The following TRPM1 variants were observed in gnomAD, a reference collection of about 807,000 sequenced individuals.
TRPM1 encodes transient receptor potential cation channel subfamily M member 1, also known as TRPM1-203 APA Isoform, Intron 10.
In TRPM1, 113 loss-of-function variants were observed where a neutral mutation model predicts 149.4. The observed-to-expected ratio is 0.76, with a 90% CI of 0.65 to 0.88. The LOEUF is 0.88. Ranked by LOEUF, TRPM1 falls within the 40% of genes least tolerant of loss-of-function variation. TRPM1 has a pLI of 0.00. For synonymous variants in TRPM1, 741 were observed against 759.5 expected, an observed-to-expected ratio of 0.98 and a Z score of 0.40; for missense variants, 1,976 against 2,038.7, an observed-to-expected ratio of 0.97 and a Z score of 0.59.
chr15:31,148,484 A>G (rs2036251842), intron 1 of TRPM1, among the ~76,000 whole-genome samples: 1 of 152,192 alleles, frequency 6.6e-6, no homozygotes, highest in African/African-American at 2.4e-5. Context: ...CTAGCAAAGA[A>G]TTCTCCTCTA....
At chr15:31,028,764 AAAC>A (rs1259047144) in intron 24 of TRPM1, among the ~76,000 whole-genome samples, 1 of 152,064 alleles carries the variant, frequency 6.6e-6, no homozygotes, top group Non-Finnish European at 1.5e-5. Flanking sequence ...CTCAAAAAAA[AAAC>A]AACTCACACA....
chr15:31,063,092 C>A (rs201440065), intron 8 of TRPM1, 26 bp downstream of exon 8: 1 of 1,613,862 alleles, frequency 6.2e-7, no homozygotes, highest in Admixed American at 1.7e-5. Context: ...ACGAACCCGC[C>A]CTTCCTCGCG....
At chr15:31,029,658 G>A (rs780324781) in intron 23 of TRPM1, among the ~76,000 whole-genome samples, 1 of 152,172 alleles carries the variant, frequency 6.6e-6, no homozygotes, top group Non-Finnish European at 1.5e-5. Flanking sequence ...ATAAGCGAGA[G>A]CAAAAGCTCA....
chr15:31,101,515 T>C, intron 1 of TRPM1, 142 bp downstream of exon 1: 1 of 346,876 alleles, frequency 2.9e-6, no homozygotes, highest in Non-Finnish European at 4.1e-6. Context: ...TGAGCCTACC[T>C]GCACCTGAGG....
intron 2 of TRPM1, among the ~76,000 whole-genome samples, chr15:31,077,845 G>C (rs916350403): frequency 2.6e-5 from 4 of 151,928 alleles, no homozygotes; most frequent in Admixed American, 2.0e-4. Flanking sequence ...ATGTGAGTGG[G>C]TGTGTGCGCA....
intron 10 of TRPM1, among the ~76,000 whole-genome samples, chr15:31,061,004 T>C (rs1056957438): frequency 2.0e-5 from 3 of 152,092 alleles, no homozygotes; most frequent in Non-Finnish European, 4.4e-5. Flanking sequence ...TGCCCCCTCA[T>C]GGCACCAGGC....
Position 31,049,420 on chromosome 15 carries a change from C to G in TRPM1, c.1527G>C (p.Met509Ile), listed in dbSNP as rs1407026660. 6.2e-7 allele frequency: 1 copy of G among 1,614,204 alleles called. No homozygotes were observed. Among genetic ancestry groups the G allele is most frequent in the Non-Finnish European group, 8.5e-7 (1 of 1,180,042 alleles). The change falls in exon 13 of 28, where the codon ATG becomes ATC. Residue 509 changes from methionine to isoleucine, a missense_variant. By Grantham distance (10) the Met-to-Ile change is conservative (BLOSUM62 1). Transcript: ENST00000256552. ...VKLLIENGVN[M>I]QHFLTIPRLE... is the part of the protein sequence containing the mutation. ...GCCTCGGAATGGTCAGAAAGTGTTG[C>G]ATGTTCACTCCGTTTTCAATCAGGA...
chr15:31,071,836 C>T (rs776931957), intron 3 of TRPM1, among the ~76,000 whole-genome samples: 1 of 151,106 alleles, frequency 6.6e-6, no homozygotes, highest in East Asian at 1.9e-4. Flanking sequence ...TGGTGGCACA[C>T]GTCTGTAATT....
At chr15:31,062,002 A>G (rs1323925066) in intron 9 of TRPM1, among the ~76,000 whole-genome samples, 4 of 152,090 alleles carry the variant, frequency 2.6e-5, no homozygotes, top group Admixed American at 2.0e-4. Context: ...TCCAGAAGTT[A>G]TGGCATTGCC....
Position 31,126,365 on chromosome 15 carries a change from G to A in TRPM1, c.54+34541C>T, listed in dbSNP as rs553626706. Among the ~76,000 whole-genome samples the A allele has an allele frequency of 1.4e-4, 22 of 152,296 alleles. No homozygotes were observed. In the East Asian group the frequency reaches 3.7e-3, roughly 25 times the overall value. ...TCCAACAACTGCAGGAAGCCACTGC[G>A]AAACTCCCGTGGGGATGTGTGGCTC... On this transcript the variant is annotated intron_variant, in intron 1 of 26. Transcript: ENST00000542188.
Position 31,038,259 on chromosome 15 carries a change from T to G in TRPM1, c.2317-93A>C, listed in dbSNP as rs951787124. The G allele has an allele frequency of 7.1e-6, 10 of 1,409,850 alleles. No homozygotes were observed. The South Asian group carries it at 1.2e-4, about 17-fold the overall frequency. The allele number at this position is 1,409,850 out of a possible 1,614,324, so 87.3% of individuals were successfully genotyped here. ...TTTTAAATTATGACCTTCAACATTA[T>G]TCAATAACCTAGGAGCCCTGGAATG... On this transcript the variant is annotated intron_variant, in intron 18 of 27. Coordinates refer to ENST00000256552, the MANE Select transcript of TRPM1 (RefSeq NM_001252024.2).
chr15:31,012,665 T>G (rs2032227214), intron 27 of TRPM1, among the ~76,000 whole-genome samples: 1 of 152,220 alleles, frequency 6.6e-6, no homozygotes, highest in South Asian at 2.1e-4. Flanking sequence ...TCATTAAATT[T>G]GTAAAATTTT....
upstream of TRPM1, among the ~76,000 whole-genome samples, chr15:31,105,819 G>C (rs1288138894): frequency 6.6e-6 from 1 of 152,176 alleles, no homozygotes; most frequent in Admixed American, 6.5e-5. Flanking sequence ...CGAGTTCGGG[G>C]AACACAGTAT....
chr15:31,088,838 C>G (rs138339963), intron 1 of TRPM1, among the ~76,000 whole-genome samples: 315 of 149,712 alleles, frequency 2.1e-3, no homozygotes, highest in South Asian at 4.1e-3. Context: ...TGTACCGGGG[C>G]GATGCGATAA....
intron 7 of TRPM1, among the ~76,000 whole-genome samples, 183 bp from the exon 8 acceptor site, chr15:31,063,475 T>G (rs1164396638): frequency 6.6e-6 from 1 of 152,182 alleles, no homozygotes; most frequent in Non-Finnish European, 1.5e-5. Flanking sequence ...TTTTCTTTTT[T>G]GAGACAGAAT....
chr15:31,147,158 G>T (rs969535218), intron 1 of TRPM1, among the ~76,000 whole-genome samples: 1 of 152,154 alleles, frequency 6.6e-6, no homozygotes, highest in Non-Finnish European at 1.5e-5. Context: ...GCCAGTTGAG[G>T]CCTTTAAACT....
intron 25 of TRPM1, among the ~76,000 whole-genome samples, chr15:31,027,791 A>AT (rs955379936): frequency 7.2e-5 from 11 of 152,274 alleles, no homozygotes; most frequent in African/African-American, 2.4e-4. Flanking sequence ...AGCTAAAATC[A>AT]TTTTTTTCAA....
At chr15:31,098,770 T>G (rs1295995058) in intron 1 of TRPM1, among the ~76,000 whole-genome samples, 1 of 151,310 alleles carries the variant, frequency 6.6e-6, no homozygotes. Context: ...AGACACAGGA[T>G]GGATAAGTTG....
chr15:31,075,414 A>G (rs932888234), intron 3 of TRPM1, among the ~76,000 whole-genome samples: 2 of 152,244 alleles, frequency 1.3e-5, no homozygotes, highest in Non-Finnish European at 2.9e-5. Context: ...ATTTATCATT[A>G]TAAAATGTTC....
Sources: gnomAD v4.1 joint callset for allele counts (sites outside exome capture counted in the v4.1 genomes callset) on GRCh38, gnomAD v4.1.1 for gene constraint, MANE v1.5 for transcripts, NCBI Gene and HGNC (gene_info 2026-07-23, HGNC 2026-07-21) for gene names.